SHB: variants seen among roughly 807,000 people sequenced by gnomAD.
The protein encoded by SHB is SH2 domain-containing adapter protein B.
Under a neutral mutation model 52.3 loss-of-function variants are expected in SHB, and 20 were observed. That is an observed-to-expected ratio of 0.38 (90% CI 0.27 to 0.56). The LOEUF (loss-of-function observed/expected upper bound fraction) is 0.56. Among genes scored for constraint, SHB ranks in the 20% least tolerant of loss-of-function variants. The pLI is 0.71. For missense variants in SHB, 825 were observed against 723.3 expected, an observed-to-expected ratio of 1.14 and a Z score of -1.61; for synonymous variants, 397 against 316.5, an observed-to-expected ratio of 1.25 and a Z score of -2.70.
chr9:37,972,787 T>G (rs1358716680), intron 3 of SHB, among the ~76,000 whole-genome samples: 1 of 152,150 alleles, frequency 6.6e-6, no homozygotes, highest in Non-Finnish European at 1.5e-5. Flanking sequence ...TGTGTTGGAA[T>G]GGCTAGAACA....
chr9:37,932,204 C>T (rs1053280909), intron 5 of SHB, among the ~76,000 whole-genome samples: 1 of 144,398 alleles, frequency 6.9e-6, no homozygotes, highest in East Asian at 2.0e-4. Flanking sequence ...ATCACTTGAA[C>T]CCAGGAGGCA....
chr9:38,040,391 C>A (rs2118138671), intron 1 of SHB, among the ~76,000 whole-genome samples: 1 of 152,328 alleles, frequency 6.6e-6, no homozygotes. Flanking sequence ...CGGCCGTTAT[C>A]CCTAAAGGGG....
intron 1 of SHB, among the ~76,000 whole-genome samples, chr9:38,030,496 C>T (rs900962404): frequency 1.3e-5 from 2 of 152,078 alleles, no homozygotes; most frequent in Non-Finnish European, 2.9e-5. Flanking sequence ...TTTAAGAGGC[C>T]GGGCCCAATG....
rs552477409 is a variant in SHB, at chr9:38,015,544, C to T, written c.838+467G>A. ...TCCAAAACAAAGATTTCTCGGGATG[C>T]GGCCAGAAATAATTTTGTCTCTACT... On this transcript the variant is annotated intron_variant, in intron 2 of 5. Transcript: ENST00000377707. 71 of 692,264 alleles carry T rather than the reference C, an allele frequency of 1.0e-4. 1 individual carries two copies. In the Middle Eastern group the frequency reaches 1.4e-3, roughly 14 times the overall value. The allele number at this position is 692,264 out of a possible 1,614,324, so 42.9% of individuals were successfully genotyped here.
At chr9:37,973,048 C>T (rs1820610266) in intron 3 of SHB, among the ~76,000 whole-genome samples, 1 of 152,192 alleles carries the variant, frequency 6.6e-6, no homozygotes, top group Non-Finnish European at 1.5e-5. Context: ...CTTTTCATCT[C>T]TTAACATTAG....
At chr9:38,043,385 A>T (rs953251804) in intron 1 of SHB, among the ~76,000 whole-genome samples, 2 of 152,234 alleles carry the variant, frequency 1.3e-5, no homozygotes, top group African/African-American at 4.8e-5. Flanking sequence ...CCATGTACTT[A>T]GATTCTGGGG....
rs117926394 is a variant in SHB, at chr9:37,919,058, G to A, written c.*763C>T. The stretch of plus-strand genomic sequence containing the variant: ...ACAGCAGCAAGCCCAGAGGAGACAC[G>A]CCTTGCTCTGGGAGTGAAACCAGAA... On this transcript the variant is annotated 3_prime_UTR_variant, in exon 6 of 6. Coordinates refer to ENST00000377707, the MANE Select transcript of SHB (RefSeq NM_003028.3). The A allele has an allele frequency of 4.1e-3, 625 of 152,704 alleles. 4 individuals carry two copies. Among genetic ancestry groups the A allele is most frequent in the East Asian group, 0.013 (65 of 5,190 alleles). The allele number at this position is 152,704 out of a possible 1,614,324, so 9.5% of individuals were successfully genotyped here.
At chr9:38,001,724 G>A (rs1821016557) in intron 2 of SHB, among the ~76,000 whole-genome samples, 1 of 152,268 alleles carries the variant, frequency 6.6e-6, no homozygotes, top group Non-Finnish European at 1.5e-5. Flanking sequence ...GAGGGTTAGG[G>A]TTAGTTCCCT....
intron 5 of SHB, among the ~76,000 whole-genome samples, chr9:37,947,184 G>C (rs1316460131): frequency 6.6e-6 from 1 of 152,226 alleles, no homozygotes; most frequent in Non-Finnish European, 1.5e-5. Flanking sequence ...GGCACCAGCA[G>C]CCTAGAGAAG....
chr9:37,996,786 G>A (rs140106538), intron 2 of SHB, among the ~76,000 whole-genome samples: 1 of 152,308 alleles, frequency 6.6e-6, no homozygotes, highest in Non-Finnish European at 1.5e-5. Flanking sequence ...CTGTCCCTTT[G>A]GTACCCCAAT....
intron 5 of SHB, among the ~76,000 whole-genome samples, chr9:37,929,024 A>G (rs1832282578): frequency 6.6e-6 from 1 of 152,192 alleles, no homozygotes; most frequent in Non-Finnish European, 1.5e-5. Flanking sequence ...CCTGGGGTTG[A>G]CCCAGGCAGG....
chr9:38,003,758 G>A (rs55714007), intron 2 of SHB, among the ~76,000 whole-genome samples: 23,630 of 152,206 alleles, frequency 0.16, 2,351 homozygotes, highest in South Asian at 0.23. Context: ...CAGTGGCTCA[G>A]CACTAACCCT....
At chr9:38,047,592 A>T (rs1428591159) in intron 1 of SHB, among the ~76,000 whole-genome samples, 1 of 152,256 alleles carries the variant, frequency 6.6e-6, no homozygotes, top group African/African-American at 2.4e-5. Flanking sequence ...CCACAATTAT[A>T]AACACAGAAC....
At chr9:37,983,480 C>T (rs549276573) in intron 2 of SHB, among the ~76,000 whole-genome samples, 1 of 152,320 alleles carries the variant, frequency 6.6e-6, no homozygotes, top group East Asian at 1.9e-4. Flanking sequence ...GCCCAGGAAC[C>T]TCTGGGCAGG....
intron 2 of SHB, among the ~76,000 whole-genome samples, chr9:37,981,477 C>T (rs900004620): frequency 6.7e-6 from 1 of 148,676 alleles, no homozygotes. Flanking sequence ...CTGGTTTGAG[C>T]TTCTATCTAG....
intron 2 of SHB, among the ~76,000 whole-genome samples, chr9:37,990,052 C>T (rs1387617936): frequency 1.3e-5 from 2 of 152,170 alleles, no homozygotes; most frequent in Non-Finnish European, 2.9e-5. Context: ...TTAAGAGGTT[C>T]CAGACTGTGT....
At chr9:38,038,328 C>T (rs1269077624) in intron 1 of SHB, among the ~76,000 whole-genome samples, 1 of 152,202 alleles carries the variant, frequency 6.6e-6, no homozygotes, top group Non-Finnish European at 1.5e-5. Flanking sequence ...CAGGAACCAA[C>T]ACTCTCCACG....
rs549030929 is a variant in SHB, at chr9:38,067,154, C to T, written c.717+775G>A. Among the ~76,000 whole-genome samples, 182 of 152,212 alleles carry T rather than the reference C, an allele frequency of 1.2e-3. 1 individual carries two copies. Among genetic ancestry groups the T allele is most frequent in the African/African-American group, 4.2e-3 (174 of 41,532 alleles). On this transcript the variant is annotated intron_variant, in intron 1 of 5. Transcript: ENST00000377707. ...AGGAAGGGGGCTGTCACAAAGTCCCCCCGTGTTCCTGGGACCTTATGGGGT... is the reference window on the plus strand; with the variant it reads ...AGGAAGGGGGCTGTCACAAAGTCCCTCCGTGTTCCTGGGACCTTATGGGGT...
chr9:37,928,877 A>T (rs1832280544), intron 5 of SHB, among the ~76,000 whole-genome samples: 1 of 152,230 alleles, frequency 6.6e-6, no homozygotes, highest in East Asian at 1.9e-4. Flanking sequence ...ACATGGTGGG[A>T]GATGTACCAC....
Sources: allele counts gnomAD v4.1 joint callset (sites outside exome capture counted in the v4.1 genomes callset), GRCh38; gene constraint gnomAD v4.1.1; transcripts MANE v1.5; gene names NCBI Gene and HGNC (gene_info 2026-07-23, HGNC 2026-07-21).